TMEM170A: variants seen among roughly 807,000 people sequenced by gnomAD.
TMEM170A encodes transmembrane protein 170A.
A neutral mutation model predicts 12.8 loss-of-function variants in TMEM170A; 18 were observed. The ratio of observed to expected loss-of-function variants is 1.41; its 90% CI spans 0.97 to 2.09. The LOEUF is 2.09. TMEM170A is among the 30% of genes most tolerant of loss of function. The pLI is 0.00. For synonymous variants in TMEM170A, 107 were observed against 76.2 expected, an observed-to-expected ratio of 1.40 and a Z score of -2.11; for missense variants, 220 against 179.9, an observed-to-expected ratio of 1.22 and a Z score of -1.28.
chr16:75,447,421 A>C lies in TMEM170A; in HGVS notation c.*137T>G. ...GAGCTTCAAAATGAAGAAAAGGCTG[A>C]GATGTGTTGTCCTTCATGTTCCTGT... is the stretch of plus-strand genomic sequence containing the variant. On this transcript the variant is annotated 3_prime_UTR_variant, in exon 3 of 3. Transcript: ENST00000561878. The C allele has an allele frequency of 1.1e-6, 1 of 930,306 alleles. No homozygotes were observed. The highest frequency in any genetic ancestry group is 2.8e-5 in the South Asian group (1 of 35,708). 57.6% of individuals were successfully genotyped at this position (930,306 alleles called of 1,614,324 possible).
chr16:75,449,491 T>C (rs1343517156), intron 2 of TMEM170A, among the ~76,000 whole-genome samples: 1 of 152,122 alleles, frequency 6.6e-6, no homozygotes, highest in East Asian at 1.9e-4. Context: ...TTTTATTTAT[T>C]TATTTTTTGT....
At chr16:75,448,890 T>G (rs988694624) in intron 2 of TMEM170A, among the ~76,000 whole-genome samples, 4 of 151,944 alleles carry the variant, frequency 2.6e-5, no homozygotes, top group Non-Finnish European at 4.4e-5. Context: ...GACCAAACCT[T>G]GTCTTTACAA....
At chr16:75,456,480 A>AG (rs1174660258) in intron 1 of TMEM170A, among the ~76,000 whole-genome samples, 1 of 152,152 alleles carries the variant, frequency 6.6e-6, no homozygotes, top group African/African-American at 2.4e-5. Context: ...CTGGCGACTC[A>AG]GGAGTCTTCC....
At chr16:75,461,083 T>C (rs1185673544) in intron 1 of TMEM170A, among the ~76,000 whole-genome samples, 4 of 152,198 alleles carry the variant, frequency 2.6e-5, no homozygotes, top group East Asian at 1.9e-4. Context: ...TGAGACAGTC[T>C]CGCTCTGTGG....
At chr16:75,463,960 G>T (rs921892347) in intron 1 of TMEM170A, among the ~76,000 whole-genome samples, 1 of 152,250 alleles carries the variant, frequency 6.6e-6, no homozygotes, top group Non-Finnish European at 1.5e-5. Flanking sequence ...GGAGGATTTA[G>T]CCCCAGGCGC....
chr16:75,460,057 C>G (rs74024790), intron 1 of TMEM170A: 2,462 of 153,282 alleles, frequency 0.016, 62 homozygotes, highest in African/African-American at 0.055. Context: ...AACCACCTCT[C>G]TCTGGATACT....
rs1053038318 is a variant in TMEM170A, at chr16:75,443,134, G to A, written c.*4424C>T. 1 of 152,038 alleles carries A rather than the reference G, an allele frequency of 6.6e-6. No individual in the cohort carries two copies. Among genetic ancestry groups the A allele is most frequent in the African/African-American group, 2.4e-5 (1 of 41,388 alleles). 9.4% of individuals were successfully genotyped at this position (152,038 alleles called of 1,614,324 possible). A position where few individuals can be genotyped will look rare whatever the true frequency, so the allele number is the denominator to read the frequency against. Reference sequence around the variant, plus strand: ...TAGTAAGAAGTAGAACATAAAAAAAGTTACACATGCTAGATATTAAGTTAT... The same window carrying A: ...TAGTAAGAAGTAGAACATAAAAAAAATTACACATGCTAGATATTAAGTTAT... On this transcript the variant is annotated 3_prime_UTR_variant, in exon 3 of 3. Transcript: ENST00000561878.
chr16:75,462,020 G>A (rs944315498), intron 1 of TMEM170A, among the ~76,000 whole-genome samples: 3 of 152,128 alleles, frequency 2.0e-5, no homozygotes, highest in Non-Finnish European at 2.9e-5. Flanking sequence ...TCCAACTTAT[G>A]ACCCTACATA....
chr16:75,460,373 GCCCTCCAGGATCTACCCTC>G (rs913571984), intron 1 of TMEM170A, among the ~76,000 whole-genome samples: 2 of 152,082 alleles, frequency 1.3e-5, no homozygotes, highest in African/African-American at 4.8e-5. Flanking sequence ...CCCCAGTAGA[GCCCTCCAGGATCTACCCTC>G]CCCTCCTCCT....
chr16:75,461,711 G>A (rs1355427843), intron 1 of TMEM170A, among the ~76,000 whole-genome samples: 6 of 152,214 alleles, frequency 3.9e-5, no homozygotes, highest in African/African-American at 1.4e-4. Context: ...TTGGGGTCAA[G>A]GGCTATGCCT....
chr16:75,451,881 C>A, intron 1 of TMEM170A, 42 bp from the exon 2 acceptor site: 1 of 1,544,736 alleles, frequency 6.5e-7, no homozygotes, highest in Non-Finnish European at 8.8e-7. Flanking sequence ...CACTGCCCTT[C>A]CCAGGACAAT....
At chr16:75,457,124 T>A (rs980593871) in intron 1 of TMEM170A, among the ~76,000 whole-genome samples, 1 of 152,104 alleles carries the variant, frequency 6.6e-6, no homozygotes, top group East Asian at 1.9e-4. Context: ...AGATCAGCCC[T>A]GGGTCCCTGC....
At position 75,444,796 on chromosome 16, in the gene TMEM170A, C is replaced by T. The variant is rs368680076; in HGVS notation, c.*2762G>A. 1.3e-5 allele frequency: 2 copies of T among 152,052 alleles called. 1 individual carries two copies. Among genetic ancestry groups the T allele is most frequent in the Non-Finnish European group, 2.9e-5 (2 of 68,010 alleles). The allele number at this position is 152,052 out of a possible 1,614,324, so 9.4% of individuals were successfully genotyped here. ...CAGTAATTTGAAGATACCTTTTATA[C>T]GTTTAGTTTTTTAAAAGAGTAGATA... On this transcript the variant is annotated 3_prime_UTR_variant, in exon 3 of 3. Transcript: ENST00000561878.
chr16:75,457,530 C>G (rs1291182043), intron 1 of TMEM170A, among the ~76,000 whole-genome samples: 1 of 152,182 alleles, frequency 6.6e-6, no homozygotes, highest in Non-Finnish European at 1.5e-5. Flanking sequence ...CATCCTGGCA[C>G]CCTAATCCCA....
At chr16:75,453,321 C>T (rs1597443299) in intron 1 of TMEM170A, among the ~76,000 whole-genome samples, 1 of 152,136 alleles carries the variant, frequency 6.6e-6, no homozygotes, top group South Asian at 2.1e-4. Context: ...GTAGTCCTAG[C>T]TACTCGAGAG....
chr16:75,458,667 C>T (rs771756331), intron 1 of TMEM170A: 1 of 152,142 alleles, frequency 6.6e-6, no homozygotes, highest in Non-Finnish European at 1.5e-5. Context: ...TTCTGACCTT[C>T]ATAACTGTAA....
At chr16:75,464,349 G>A (rs1450335798) in intron 1 of TMEM170A, 119 bp downstream of exon 1, 6 of 1,337,114 alleles carry the variant, frequency 4.5e-6, no homozygotes, top group African/African-American at 1.6e-5. Context: ...CCTCCCGGAG[G>A]ACAGCGCCCA....
At chr16:75,448,004 A>G (rs2079617658) in intron 2 of TMEM170A, among the ~76,000 whole-genome samples, 1 of 152,262 alleles carries the variant, frequency 6.6e-6, no homozygotes, top group Non-Finnish European at 1.5e-5. Flanking sequence ...TGACCAGATT[A>G]TGAACTCAAA....
chr16:75,447,708 T>C lies in TMEM170A; in HGVS notation c.305-20A>G, dbSNP rs556214822. ...CTGCACCTGATTTAAAATGCAAGAA[T>C]GTTAAACAAAAACAAAAAACGAAGG... On this transcript the variant is annotated intron_variant, in intron 2 of 2. Coordinates refer to ENST00000561878, the MANE Select transcript of TMEM170A (RefSeq NM_145254.3). The C allele has an allele frequency of 6.4e-6, 10 of 1,558,824 alleles. No homozygotes were observed. The highest frequency in any genetic ancestry group is 2.3e-5 in the East Asian group (1 of 43,192).
Sources: gnomAD v4.1 joint callset for allele counts (sites outside exome capture counted in the v4.1 genomes callset) on GRCh38, gnomAD v4.1.1 for gene constraint, MANE v1.5 for transcripts, NCBI Gene and HGNC (gene_info 2026-07-23, HGNC 2026-07-21) for gene names.